Variants in ZNF680 observed in about 807,000 individuals in gnomAD.
ZNF680 encodes zinc finger protein 680, also known as hypothetical protein FLJ90430.
Under a neutral mutation model 12.1 loss-of-function variants are expected in ZNF680, and 6 were observed. The observed-to-expected ratio is 0.49, with a 90% CI of 0.27 to 0.98. ZNF680 has a LOEUF of 0.98. Among genes scored for constraint, ZNF680 ranks in the 50% least tolerant of loss-of-function variants. The pLI, the probability that ZNF680 is intolerant of heterozygous loss-of-function variation, is 0.12. For missense variants in ZNF680, 561 were observed against 616.3 expected (o/e 0.91, Z 0.95); for synonymous variants, 170 against 199.3 (o/e 0.85, Z 1.24).
intron 3 of ZNF680, among the ~76,000 whole-genome samples, chr7:64,540,987 T>C (rs11761000): frequency 0.068 from 10,369 of 152,218 alleles, 499 homozygotes; most frequent in Admixed American, 0.11. Context: ...AGTATTTATG[T>C]TTTAAATATA....
At chr7:64,544,271 G>C in intron 2 of ZNF680, 35 bp downstream of exon 2, 1 of 1,586,506 alleles carries the variant, frequency 6.3e-7, no homozygotes, top group Non-Finnish European at 8.6e-7. Flanking sequence ...AACCTTTAGG[G>C]CATATTAGGA....
the ZNF680 span, among the ~76,000 whole-genome samples, chr7:64,499,597 AAC>A: frequency 1.3e-5 from 2 of 152,112 alleles, no homozygotes; most frequent in East Asian, 1.9e-4. Context: ...CTCTACCAAA[AAC>A]ACAAAAAATT....
intron 3 of ZNF680, among the ~76,000 whole-genome samples, chr7:64,527,238 CAAATAAAT>C (rs575866645): frequency 5.3e-5 from 8 of 151,470 alleles, no homozygotes; most frequent in African/African-American, 1.2e-4. Flanking sequence ...GATTCTGTCT[CAAATAAAT>C]AAATAAATAA....
At chr7:64,504,155 C>T in the ZNF680 span, among the ~76,000 whole-genome samples, 1 of 152,152 alleles carries the variant, frequency 6.6e-6, no homozygotes, top group Non-Finnish European at 1.5e-5. Context: ...TATAGTTATG[C>T]AATACCAAAT....
the ZNF680 span, among the ~76,000 whole-genome samples, chr7:64,508,624 C>T: frequency 6.6e-6 from 1 of 152,284 alleles, no homozygotes; most frequent in East Asian, 1.9e-4. Context: ...CTTGTCTATT[C>T]CAATCTAGCT....
At chr7:64,546,793 G>A (rs1350606313) in intron 1 of ZNF680, among the ~76,000 whole-genome samples, 1 of 152,074 alleles carries the variant, frequency 6.6e-6, no homozygotes, top group African/African-American at 2.4e-5. Context: ...CCCAGGCACA[G>A]ACACCAGCAA....
chr7:64,506,264 G>A, the ZNF680 span, among the ~76,000 whole-genome samples: 7 of 147,656 alleles, frequency 4.7e-5, no homozygotes, highest in South Asian at 1.1e-3. Flanking sequence ...GGGCGCCGGC[G>A]CCATCTCGGC....
chr7:64,539,576 T>G (rs1786390260), intron 3 of ZNF680, among the ~76,000 whole-genome samples: 4 of 152,070 alleles, frequency 2.6e-5, no homozygotes, highest in Admixed American at 2.6e-4. Context: ...TAATGTGTAC[T>G]GAGTTTTAGT....
chr7:64,521,222 A>G lies in ZNF680; in HGVS notation c.1532T>C (p.Ile511Thr). ...TTTGTAGAGTTTCTCACCAGTATGA[A>G]TTTTCTTATGTCTAGTAAGGTGTGA... ...RSSHLTRHKK[I>T]HTGEKLYKPE... The change falls in exon 4 of 4, where the codon ATT (isoleucine) becomes ACT (threonine). Residue 511 changes from isoleucine to threonine, a missense_variant. Coordinates refer to ENST00000309683, the MANE Select transcript of ZNF680 (RefSeq NM_178558.5). 1 of 1,613,372 alleles carries G rather than the reference A, an allele frequency of 6.2e-7. No individual in the cohort carries two copies. Among genetic ancestry groups the G allele is most frequent in the Non-Finnish European group, 8.5e-7 (1 of 1,179,546 alleles).
rs370733580 is a variant in ZNF680 at position 64,522,352 on chromosome 7, C to A, written c.402G>T (p.Val134=). 1.9e-5 allele frequency: 30 copies of A among 1,612,750 alleles called. No individual in the cohort carries two copies. The highest frequency in any genetic ancestry group is 2.2e-5 in the Non-Finnish European group (26 of 1,179,402). The part of the protein sequence containing the change: ...ISCKSVDESK[V]FKEGYNELNQ... ...TAAGTTCATTATAACCTTCTTTGAA[C>A]ACCTTAGACTCATCCACACTTTTAC... The change falls in exon 4 of 4, where the codon GTG becomes GTT. Residue 134 remains valine, a synonymous_variant. Coordinates refer to ENST00000309683, the MANE Select transcript of ZNF680 (RefSeq NM_178558.5).
intron 3 of ZNF680, among the ~76,000 whole-genome samples, chr7:64,533,464 A>G (rs945641109): frequency 1.3e-5 from 2 of 152,224 alleles, no homozygotes; most frequent in Admixed American, 6.5e-5. Context: ...AATCAATTAC[A>G]TGAAAGACCT....
intron 3 of ZNF680, among the ~76,000 whole-genome samples, chr7:64,531,822 T>G (rs6964427): frequency 6.6e-6 from 1 of 151,854 alleles, no homozygotes; most frequent in Non-Finnish European, 1.5e-5. Flanking sequence ...TAGCCCTAAA[T>G]GCCTACATCA....
chr7:64,513,546 A>G, the ZNF680 span, among the ~76,000 whole-genome samples: 1 of 152,202 alleles, frequency 6.6e-6, no homozygotes, highest in African/African-American at 2.4e-5. Flanking sequence ...TCATGGTCTA[A>G]TTAGTTAAAA....
intron 1 of ZNF680, among the ~76,000 whole-genome samples, chr7:64,559,713 C>T (rs1787625599): frequency 6.6e-6 from 1 of 152,138 alleles, no homozygotes; most frequent in Admixed American, 6.6e-5. Flanking sequence ...AACTCCTCAC[C>T]TCAAGTGATC....
intron 1 of ZNF680, among the ~76,000 whole-genome samples, chr7:64,548,785 C>T (rs117502167): frequency 0.014 from 2,068 of 151,996 alleles, 19 homozygotes; most frequent in Non-Finnish European, 0.021. Context: ...GGCTGATGAC[C>T]CGATGATGTG....
the ZNF680 span, among the ~76,000 whole-genome samples, chr7:64,510,936 TA>T: frequency 0.58 from 45,701 of 78,550 alleles, 15,150 homozygotes; most frequent in African/African-American, 0.79. Context: ...AAATAAAAAA[TA>T]AAAATAAAAA....
intron 1 of ZNF680, among the ~76,000 whole-genome samples, chr7:64,547,491 T>A (rs752780794): frequency 5.9e-5 from 9 of 152,220 alleles, no homozygotes; most frequent in Non-Finnish European, 1.0e-4. Flanking sequence ...TGTCCTCAAG[T>A]GTTACACAGC....
At chr7:64,540,505 A>G (rs1337728156) in intron 3 of ZNF680, among the ~76,000 whole-genome samples, 2 of 151,992 alleles carry the variant, frequency 1.3e-5, no homozygotes, top group Non-Finnish European at 2.9e-5. Flanking sequence ...GGGCTTCACC[A>G]TATTGGCCAG....
chr7:64,549,991 A>C (rs2116516536), intron 1 of ZNF680, among the ~76,000 whole-genome samples: 1 of 152,314 alleles, frequency 6.6e-6, no homozygotes, highest in East Asian at 1.9e-4. Flanking sequence ...CTCAAAAAAA[A>C]CAAAAACAAA....
Sources: gnomAD v4.1 joint callset for allele counts (sites outside exome capture counted in the v4.1 genomes callset) on GRCh38, gnomAD v4.1.1 for gene constraint, MANE v1.5 for transcripts, NCBI Gene and HGNC (gene_info 2026-07-23, HGNC 2026-07-21) for gene names.